TMEM144: variants seen among roughly 807,000 people sequenced by gnomAD.
The protein encoded by TMEM144 is transmembrane protein 144.
A neutral mutation model predicts 43.6 loss-of-function variants in TMEM144; 39 were observed. The ratio of observed to expected loss-of-function variants is 0.90; its 90% CI spans 0.69 to 1.17. The LOEUF (loss-of-function observed/expected upper bound fraction) is 1.17, where lower values mean the gene tolerates loss of function less well. Ranked by LOEUF, TMEM144 falls within the 50% of genes most tolerant of loss-of-function variation. TMEM144 has a pLI of 0.00. For missense variants in TMEM144, 417 were observed against 411.9 expected (o/e 1.01, Z -0.11); for synonymous variants, 154 against 133.6 (o/e 1.15, Z -1.06).
intron 8 of TMEM144, among the ~76,000 whole-genome samples, chr4:158,236,104 T>C (rs1259676612): frequency 6.6e-6 from 1 of 152,212 alleles, no homozygotes; most frequent in African/African-American, 2.4e-5. Flanking sequence ...AAATACACAC[T>C]AGTATATAGT....
chr4:158,242,473 G>A (rs557912428), intron 11 of TMEM144, among the ~76,000 whole-genome samples: 6 of 152,110 alleles, frequency 3.9e-5, no homozygotes, highest in Middle Eastern at 3.4e-3. Context: ...AATGTCAAAC[G>A]AACCTATCAC....
chr4:158,210,602 C>CA lies in TMEM144; in HGVS notation c.-183+19dup, dbSNP rs1560816676. The CA allele has an allele frequency of 6.6e-6, 1 of 152,234 alleles. No homozygotes were observed. The highest frequency in any genetic ancestry group is 6.5e-5 in the Admixed American group (1 of 15,280). The allele number at this position is 152,234 out of a possible 1,614,324, so 9.4% of individuals were successfully genotyped here. ...CCGGAACGCAGTGAGTACAGCCACT[C>CA]AAAGGAAAGCCAAGTCGCTTTGCAG... On this transcript the variant is annotated intron_variant, in intron 1 of 12. Transcript: ENST00000296529.
At chr4:158,245,424 A>G (rs574934836) in intron 12 of TMEM144, among the ~76,000 whole-genome samples, 2 of 151,890 alleles carry the variant, frequency 1.3e-5, no homozygotes, top group African/African-American at 2.4e-5. Flanking sequence ...CAAGAGTCCA[A>G]CTGGGTTCAA....
chr4:158,246,786 T>C lies in TMEM144; in HGVS notation c.954+2437T>C, dbSNP rs1579153274. Reference sequence around the variant, plus strand: ...TGCTGAAGCCTTAGAAAATTACAAATTAGTCATCATAGTTTATTAGTAATT... The same window carrying C: ...TGCTGAAGCCTTAGAAAATTACAAACTAGTCATCATAGTTTATTAGTAATT... On this transcript the variant is annotated intron_variant, in intron 12 of 12. Transcript: ENST00000296529. 3.9e-5 allele frequency among the ~76,000 whole-genome samples: 6 copies of C among 151,982 alleles called. No homozygotes were observed. The South Asian group carries it at 1.2e-3, about 31-fold the overall frequency.
At chr4:158,225,181 C>A (rs1734700717) in intron 6 of TMEM144, among the ~76,000 whole-genome samples, 1 of 152,216 alleles carries the variant, frequency 6.6e-6, no homozygotes, top group Non-Finnish European at 1.5e-5. Context: ...CGCCCTTAGA[C>A]ATGGGGGCCA....
intron 12 of TMEM144, among the ~76,000 whole-genome samples, chr4:158,244,999 GA>G (rs918440123): frequency 4.6e-5 from 7 of 151,940 alleles, no homozygotes; most frequent in African/African-American, 1.2e-4. Flanking sequence ...CAAGATGAAA[GA>G]TTTTTTTTTT....
chr4:158,212,167 A>C (rs1459645648), intron 2 of TMEM144: 2 of 152,220 alleles, frequency 1.3e-5, no homozygotes, highest in Admixed American at 1.3e-4. Context: ...CTTTTTTCTC[A>C]TGTATCTCGG....
intron 6 of TMEM144, among the ~76,000 whole-genome samples, chr4:158,225,457 T>G (rs1334266383): frequency 6.6e-6 from 1 of 152,262 alleles, no homozygotes; most frequent in East Asian, 1.9e-4. Context: ...AAATATTGAC[T>G]TAAATCCTGT....
At chr4:158,239,887 GGTT>G (rs1735539133) in intron 9 of TMEM144, among the ~76,000 whole-genome samples, 1 of 150,730 alleles carries the variant, frequency 6.6e-6, no homozygotes, top group South Asian at 2.1e-4. Flanking sequence ...TAATTAATGG[GGTT>G]TTTTTTTTTT....
Position 158,233,106 on chromosome 4 carries a change from C to G in TMEM144, c.495+124C>G, listed in dbSNP as rs141299035. The G allele has an allele frequency of 7.3e-4, 500 of 684,250 alleles. 2 individuals are homozygous for G. Among genetic ancestry groups the G allele is most frequent in the African/African-American group, 4.7e-3 (256 of 54,836 alleles). 42.4% of individuals were successfully genotyped at this position (684,250 alleles called of 1,614,324 possible). On this transcript the variant is annotated intron_variant, in intron 7 of 12. Transcript: ENST00000296529. ...CATCACTCCTGGCTATGTAAAATAT[C>G]TTAGCTTATTTATTATGGGTAGGTC... is the stretch of plus-strand genomic sequence containing the variant.
intron 6 of TMEM144, among the ~76,000 whole-genome samples, chr4:158,222,852 AAAG>A (rs1283788351): frequency 1.3e-5 from 2 of 152,366 alleles, no homozygotes; most frequent in South Asian, 2.1e-4. Context: ...TTGAAAATGT[AAAG>A]AAGAATCATT....
At chr4:158,249,958 C>T (rs34685429) in intron 12 of TMEM144, among the ~76,000 whole-genome samples, 49,694 of 143,574 alleles carry the variant, frequency 0.35, 10,187 homozygotes, top group East Asian at 0.81. Flanking sequence ...CTGCACTTGG[C>T]AAGGTTTTCG....
chr4:158,250,348 A>T (rs1195241887), intron 12 of TMEM144, among the ~76,000 whole-genome samples: 1 of 152,048 alleles, frequency 6.6e-6, no homozygotes, highest in East Asian at 1.9e-4. Context: ...TTTATTACAC[A>T]AATTTACCTC....
Position 158,244,313 on chromosome 4 carries a change from T to C in TMEM144, c.918T>C (p.Ala306=), listed in dbSNP as rs1258706142. Residue 306 remains alanine, a synonymous_variant, in exon 12 of 13, where the codon GCT becomes GCC. Coordinates refer to ENST00000296529, the MANE Select transcript of TMEM144 (RefSeq NM_018342.5). ...TATTTAAGGGTCCAGGATTTATAGC[T>C]GCAATGTGGGGTATCTTCATGTTTA... The part of the protein sequence containing the change: ...PIITAGPGFI[A]AMWGIFMFKE... The C allele has an allele frequency of 6.2e-7, 1 of 1,606,462 alleles. No homozygotes were observed. The highest frequency in any genetic ancestry group is 8.5e-7 in the Non-Finnish European group (1 of 1,176,102).
rs565881474 is a variant in TMEM144, at chr4:158,220,747, A to G, written c.413+1357A>G. ...TATTTTATTAATAACATTTATGTTCAATTACTGTTTCCCTGTTGGGTATTT... is the reference window on the plus strand; with the variant it reads ...TATTTTATTAATAACATTTATGTTCGATTACTGTTTCCCTGTTGGGTATTT... On this transcript the variant is annotated intron_variant, in intron 6 of 12. Coordinates refer to ENST00000296529, the MANE Select transcript of TMEM144 (RefSeq NM_018342.5). 6.6e-5 allele frequency among the ~76,000 whole-genome samples: 10 copies of G among 152,334 alleles called. No individual in the cohort carries two copies. In the East Asian group the frequency reaches 1.2e-3, roughly 18 times the overall value.
At chr4:158,223,828 T>C (rs1734621453) in intron 6 of TMEM144, among the ~76,000 whole-genome samples, 1 of 152,180 alleles carries the variant, frequency 6.6e-6, no homozygotes, top group Non-Finnish European at 1.5e-5. Flanking sequence ...GGCATTTGGG[T>C]TGGTTTCATG....
At chr4:158,218,874 C>G (rs1734368902) in intron 5 of TMEM144, among the ~76,000 whole-genome samples, 1 of 152,172 alleles carries the variant, frequency 6.6e-6, no homozygotes, top group South Asian at 2.1e-4. Flanking sequence ...CGCCTATAAT[C>G]TCAGCACTTT....
chr4:158,245,548 A>G (rs546103390), intron 12 of TMEM144, among the ~76,000 whole-genome samples: 1 of 152,306 alleles, frequency 6.6e-6, no homozygotes, highest in Admixed American at 6.5e-5. Context: ...CTGAGAGAAT[A>G]TGAGTAAAGT....
In TMEM144 at chr4:158,232,982, T is replaced by C. The variant is rs1462858520; in HGVS notation, c.495T>C (p.His165=). The change falls in exon 7 of 13, where the codon CAT becomes CAC. Residue 165 remains histidine, a splice_region_variant and synonymous_variant. Transcript: ENST00000296529. The part of the protein sequence containing the change: ...SMDTTPLITE[H]VINTTQDPCS... Reference sequence around the variant, plus strand: ...ATACCACTCCATTAATAACAGAGCATGTGAGTATAGTATGAGAGACAACTT... The same window carrying C: ...ATACCACTCCATTAATAACAGAGCACGTGAGTATAGTATGAGAGACAACTT... 2 of 1,601,324 alleles carry C rather than the reference T, an allele frequency of 1.2e-6. No individual in the cohort carries two copies. The highest frequency in any genetic ancestry group is 1.1e-5 in the South Asian group (1 of 89,628).
Sources: gnomAD v4.1 joint callset for allele counts (sites outside exome capture counted in the v4.1 genomes callset) on GRCh38, gnomAD v4.1.1 for gene constraint, MANE v1.5 for transcripts, NCBI Gene and HGNC (gene_info 2026-07-23, HGNC 2026-07-21) for gene names.